Variants in COL4A4 observed in about 807,000 individuals in gnomAD.
The protein encoded by COL4A4 is collagen type IV alpha 4 chain.
COL4A4 carries 105 observed loss-of-function variants against 192.9 expected under a neutral mutation model. The observed-to-expected ratio is 0.54, with a 90% CI of 0.46 to 0.64. COL4A4 has a LOEUF of 0.64. Among genes scored for constraint, COL4A4 ranks in the 30% least tolerant of loss-of-function variants. COL4A4 has a pLI of 0.00. For synonymous variants in COL4A4, 762 were observed against 769.9 expected, an observed-to-expected ratio of 0.99 and a Z score of 0.17; for missense variants, 1,967 against 2,169.3, an observed-to-expected ratio of 0.91 and a Z score of 1.85.
chr2:227,100,750 G>A (rs544083930), intron 17 of COL4A4, among the ~76,000 whole-genome samples: 33 of 151,906 alleles, frequency 2.2e-4, no homozygotes, highest in Admixed American at 2.0e-3. Flanking sequence ...CACCTGTTGT[G>A]GAAGGAACCC....
chr2:227,073,720 A>G (rs1421003856), intron 25 of COL4A4, among the ~76,000 whole-genome samples: 1 of 152,288 alleles, frequency 6.6e-6, no homozygotes, highest in South Asian at 2.1e-4. Context: ...GGAACAGCAC[A>G]GAGAATCCAG....
chr2:227,127,774 A>G (rs1221419477), intron 4 of COL4A4, among the ~76,000 whole-genome samples: 1 of 152,214 alleles, frequency 6.6e-6, no homozygotes, highest in African/African-American at 2.4e-5. Context: ...AACTACAAAT[A>G]CAGGTACAGC....
intron 24 of COL4A4, among the ~76,000 whole-genome samples, chr2:227,078,790 TG>T (rs2059172616): frequency 6.6e-6 from 1 of 152,210 alleles, no homozygotes; most frequent in Non-Finnish European, 1.5e-5. Context: ...TCCACCCCTG[TG>T]GGTAAAAGCC....
At position 227,006,421 on chromosome 2, in the gene COL4A4, G is replaced by A. The variant is rs1019293839; in HGVS notation, c.*904C>T. 1 of 152,672 alleles carries A rather than the reference G, an allele frequency of 6.5e-6. No individual in the cohort carries two copies. Among genetic ancestry groups the A allele is most frequent in the Admixed American group, 6.5e-5 (1 of 15,284 alleles). The allele number at this position is 152,672 out of a possible 1,614,324, so 9.5% of individuals were successfully genotyped here. On this transcript the variant is annotated 3_prime_UTR_variant, in exon 48 of 48. Transcript: ENST00000396625. ...CAGTCCCATTAGCACGCACGCACCTGTGACACGCCGGACCCCGACTGGGGA... is the reference window on the plus strand; with the variant it reads ...CAGTCCCATTAGCACGCACGCACCTATGACACGCCGGACCCCGACTGGGGA...
At position 227,111,678 on chromosome 2, in the gene COL4A4, T is replaced by C. The variant is rs1328525177; in HGVS notation, c.594A>G (p.Pro198=). Residue 198 remains proline (P), a splice_region_variant and synonymous_variant, in exon 9 of 48, where the codon CCA becomes CCG. Coordinates refer to ENST00000396625, the MANE Select transcript of COL4A4 (RefSeq NM_000092.5). ...CATAGAGCCTGCTCAGGAGACTTAC[T>C]GGTAAGCCAGGCAGTCCTGGGTCCC... The part of the protein sequence containing the change: ...DRGDPGLPGL[P]GSWGAGGPAG... 3 of 1,614,146 alleles carry C rather than the reference T, an allele frequency of 1.9e-6. No individual in the cohort carries two copies. The South Asian group carries it at 3.3e-5, about 18-fold the overall frequency.
At chr2:227,002,042 A>C (rs78203370), downstream of COL4A4, among the ~76,000 whole-genome samples, 2 of 151,890 alleles carry the variant, frequency 1.3e-5, no homozygotes, top group African/African-American at 4.8e-5. Flanking sequence ...ACAGTAGCAC[A>C]TGCTTGTAGC....
chr2:226,992,110 G>C, the COL4A4 span, among the ~76,000 whole-genome samples: 1 of 152,192 alleles, frequency 6.6e-6, no homozygotes, highest in African/African-American at 2.4e-5. Flanking sequence ...TAAGGAGAGA[G>C]GTAGTAGATC....
At chr2:227,019,437 A>G (rs1352291288) in intron 44 of COL4A4, among the ~76,000 whole-genome samples, 4 of 152,228 alleles carry the variant, frequency 2.6e-5, no homozygotes, top group African/African-American at 9.6e-5. Flanking sequence ...CAGTTACAGT[A>G]GCAAGGATGT....
At chr2:227,101,691 A>T in intron 16 of COL4A4, 134 bp from the exon 17 acceptor site, 1 of 1,097,340 alleles carries the variant, frequency 9.1e-7, no homozygotes, top group Non-Finnish European at 1.4e-6. Flanking sequence ...CAGTTGCATC[A>T]GACAATCTTG....
intron 25 of COL4A4, among the ~76,000 whole-genome samples, chr2:227,075,665 A>G (rs187922474): frequency 1.3e-5 from 2 of 152,324 alleles, no homozygotes; most frequent in Admixed American, 1.3e-4. Context: ...AAAGAAATAA[A>G]GAGCATTCAA....
chr2:227,041,886 G>A lies in COL4A4; in HGVS notation c.3505+262C>T, dbSNP rs938831709. Among the ~76,000 whole-genome samples the A allele has an allele frequency of 1.5e-3, 218 of 145,476 alleles. 3 individuals are homozygous for A. Among genetic ancestry groups the A allele is most frequent in the African/African-American group, 5.5e-3 (201 of 36,380 alleles). The stretch of plus-strand genomic sequence containing the variant: ...AGAAAGAAAGAAAGAAAGAAAGAAA[G>A]AAAGAAAGAAAGAAAGAAAGAAAGA... On this transcript the variant is annotated intron_variant, in intron 37 of 47. Coordinates refer to ENST00000396625, the MANE Select transcript of COL4A4 (RefSeq NM_000092.5).
Position 227,047,980 on chromosome 2 carries a change from G to A in COL4A4, c.3215-431C>T, listed in dbSNP as rs190602324. On this transcript the variant is annotated intron_variant, in intron 34 of 47. Transcript: ENST00000396625. Reference sequence around the variant, plus strand: ...CTTTTATAAGGCAGCTCAACTCAGTGTCCTTGCAAAAAGAAAATCACAAAG... The same window carrying A: ...CTTTTATAAGGCAGCTCAACTCAGTATCCTTGCAAAAAGAAAATCACAAAG... Among the ~76,000 whole-genome samples the A allele has an allele frequency of 7.9e-4, 120 of 152,254 alleles. 1 individual carries two copies. In the Middle Eastern group the frequency reaches 0.01, roughly 13 times the overall value.
intron 1 of COL4A4, among the ~76,000 whole-genome samples, chr2:227,151,467 G>A (rs756978668): frequency 1.8e-4 from 28 of 152,140 alleles, no homozygotes; most frequent in Non-Finnish European, 3.7e-4. Flanking sequence ...AAATGAGACA[G>A]GTTCAGCAAC....
chr2:227,114,265 G>T lies in COL4A4; in HGVS notation c.558+363C>A, dbSNP rs142684636. ...TTCAGAGGTGGGGGATGCTATTGGC[G>T]TCTAATGAGTAGAGGCCAGAGGCCA... On this transcript the variant is annotated intron_variant, in intron 8 of 47. Coordinates refer to ENST00000396625, the MANE Select transcript of COL4A4 (RefSeq NM_000092.5). 1.5e-4 allele frequency among the ~76,000 whole-genome samples: 23 copies of T among 152,318 alleles called. No individual in the cohort carries two copies. In the South Asian group the frequency reaches 4.8e-3, roughly 32 times the overall value.
At chr2:227,163,473 A>C (rs1208113016) in intron 1 of COL4A4, among the ~76,000 whole-genome samples, 1 of 152,206 alleles carries the variant, frequency 6.6e-6, no homozygotes, top group Non-Finnish European at 1.5e-5. Context: ...ACTGATTCTG[A>C]TTTAATTGTA....
Position 227,012,202 on chromosome 2 carries a change from C to T in COL4A4, c.4312G>A (p.Asp1438Asn). 3.1e-6 allele frequency: 5 copies of T among 1,614,028 alleles called. No individual in the cohort carries two copies. Among genetic ancestry groups the T allele is most frequent in the Non-Finnish European group, 4.2e-6 (5 of 1,179,882 alleles). Residue 1438 changes from aspartate to asparagine, a missense_variant, in exon 45 of 48, where the codon GAC becomes AAC. Physicochemically the swap from Asp to Asn is conservative, Grantham distance 23 (BLOSUM62 1). Transcript: ENST00000396625. Reference sequence around the variant, plus strand: ...CTACCTGGTCCTCCAGGGTAGCCGTCTTCTCCTGTGTCACCTTTACGTCCG... The same window carrying T: ...CTACCTGGTCCTCCAGGGTAGCCGTTTTCTCCTGTGTCACCTTTACGTCCG... ...PPGRKGDTGE[D>N]GYPGGPGPPG... is the part of the protein sequence containing the mutation.
chr2:227,078,505 G>T (rs543133189), intron 24 of COL4A4, among the ~76,000 whole-genome samples: 1 of 152,198 alleles, frequency 6.6e-6, no homozygotes, highest in East Asian at 1.9e-4. Context: ...AAAGTGCAGG[G>T]ATTACAGGCG....
intron 21 of COL4A4, among the ~76,000 whole-genome samples, chr2:227,089,610 C>CATATATATAAATAT (rs1488061427): frequency 8.9e-6 from 1 of 112,032 alleles, no homozygotes; most frequent in Non-Finnish European, 1.7e-5. Flanking sequence ...TATATATATA[C>CATATATATAAATAT]ATACATATAT....
chr2:227,102,796 C>T lies in COL4A4; in HGVS notation c.923G>A (p.Gly308Glu). Residue 308 changes from glycine (G) to glutamate (E), a missense_variant, in exon 15 of 48, where the codon GGG (glycine) becomes GAG (glutamate). Transcript: ENST00000396625. Reference sequence around the variant, plus strand: ...ACAGCAAATGATGCTTACCCGAGGCCCTGGAAATCCAGGAATACCTTTTTC... The same window carrying T: ...ACAGCAAATGATGCTTACCCGAGGCTCTGGAAATCCAGGAATACCTTTTTC... ...KGEKGIPGFPGPRGDPGSYGS... is the reference protein window; with the variant it reads ...KGEKGIPGFPEPRGDPGSYGS... The T allele has an allele frequency of 2.5e-6, 4 of 1,613,278 alleles. No homozygotes were observed. Among genetic ancestry groups the T allele is most frequent in the Non-Finnish European group, 3.4e-6 (4 of 1,179,376 alleles).
Sources: allele counts gnomAD v4.1 joint callset (sites outside exome capture counted in the v4.1 genomes callset), GRCh38; gene constraint gnomAD v4.1.1; transcripts MANE v1.5; gene names NCBI Gene and HGNC (gene_info 2026-07-23, HGNC 2026-07-21).